Variants in SLC1A4 observed in about 807,000 individuals in gnomAD.
The protein encoded by SLC1A4 is solute carrier family 1 member 4, also known as neutral amino acid transporter A.
SLC1A4 carries 19 observed loss-of-function variants against 37.7 expected under a neutral mutation model. The ratio of observed to expected loss-of-function variants is 0.50; its 90% CI spans 0.35 to 0.74. SLC1A4 has a LOEUF of 0.74. Among genes scored for constraint, SLC1A4 ranks in the 30% least tolerant of loss-of-function variants. SLC1A4 has a pLI of 0.01. For synonymous variants in SLC1A4, 299 were observed against 309.8 expected (o/e 0.97, Z 0.37); for missense variants, 570 against 712.9 (o/e 0.80, Z 2.28).
chr2:65,015,463 A>G (rs1170682011), intron 4 of SLC1A4, among the ~76,000 whole-genome samples: 3 of 152,244 alleles, frequency 2.0e-5, no homozygotes, highest in Admixed American at 2.0e-4. Flanking sequence ...CTAATTGCAT[A>G]GGAGGTAGGA....
At chr2:65,017,960 G>A (rs1398468773) in intron 5 of SLC1A4, 111 bp from the exon 6 acceptor site, 3 of 862,492 alleles carry the variant, frequency 3.5e-6, no homozygotes, top group Non-Finnish European at 5.4e-6. Context: ...AGAGAAGAAA[G>A]CCAGAAACGA....
At chr2:65,007,275 TGTG>T (rs1396442578) in intron 3 of SLC1A4, among the ~76,000 whole-genome samples, 3 of 74,660 alleles carry the variant, frequency 4.0e-5, no homozygotes, top group Non-Finnish European at 1.5e-4. Context: ...TGTGTTTGTG[TGTG>T]TGTGTGTGTG....
chr2:65,016,578 G>A lies in SLC1A4; in HGVS notation c.939G>A (p.Leu313=). ...ATGTTATTCATGGAGGAATTGTTCT[G>A]CCACTTATTTATTTTGTTTTCACAC... ...LGHVIHGGIV[L]PLIYFVFTRK... Residue 313 remains leucine, a synonymous_variant, in exon 5 of 8, where the codon CTG becomes CTA. Transcript: ENST00000234256. 1 of 1,614,136 alleles carries A rather than the reference G, an allele frequency of 6.2e-7. No homozygotes were observed. The highest frequency in any genetic ancestry group is 8.5e-7 in the Non-Finnish European group (1 of 1,180,032).
Position 65,021,235 on chromosome 2 carries a change from C to CA in SLC1A4, c.*89_*90insA. ...TCATGGACACAGGGCACTGCCCTTG[C>CA]CAACTTTTACCCTCCCAAGCAATGC... On this transcript the variant is annotated 3_prime_UTR_variant, in exon 8 of 8. Coordinates refer to ENST00000234256, the MANE Select transcript of SLC1A4 (RefSeq NM_003038.5). 9.9e-7 allele frequency: 1 copy of CA among 1,008,792 alleles called. No individual in the cohort carries two copies. The highest frequency in any genetic ancestry group is 1.5e-6 in the Non-Finnish European group (1 of 671,922). The allele number at this position is 1,008,792 out of a possible 1,614,324, so 62.5% of individuals were successfully genotyped here.
rs572643835 is a variant in SLC1A4 at position 65,002,639 on chromosome 2, G to A, written c.570+1149G>A. 7.1e-5 allele frequency among the ~76,000 whole-genome samples: 10 copies of A among 140,270 alleles called. No homozygotes were observed. In the East Asian group the frequency reaches 2.1e-3, roughly 29 times the overall value. 92.0% of individuals were successfully genotyped at this position (140,270 alleles called of 152,430 possible). A position where few individuals can be genotyped will look rare whatever the true frequency, so the allele number is the denominator to read the frequency against. On this transcript the variant is annotated intron_variant, in intron 2 of 7. Transcript: ENST00000234256. ...GTTGCCCAGGCTGGAGTGCAGTGGC[G>A]CGATCTTGGCTCACTGCCAGCTCCG...
At chr2:65,012,925 T>A (rs991334237) in intron 4 of SLC1A4, among the ~76,000 whole-genome samples, 4 of 152,210 alleles carry the variant, frequency 2.6e-5, no homozygotes, top group African/African-American at 9.6e-5. Flanking sequence ...CTGATTGTAT[T>A]AGTCCGTTCT....
Position 65,018,796 on chromosome 2 carries a change from GA to G in SLC1A4, c.1364+118del, listed in dbSNP as rs1386748070. The G allele has an allele frequency of 3.2e-6, 4 of 1,254,456 alleles. No homozygotes were observed. In the East Asian group the frequency reaches 9.4e-5, roughly 29 times the overall value. The allele number at this position is 1,254,456 out of a possible 1,614,324, so 77.7% of individuals were successfully genotyped here. ...TCAGACACACTCCAGCCTTGTGAAG[GA>G]GGCTACAGTGGAGCTAAAAGGGCAA... On this transcript the variant is annotated intron_variant, in intron 7 of 7. Transcript: ENST00000234256. This position sits in a 1 kb window ranked among gnomAD's most constrained non-coding sequence, Gnocchi z 4.3.
In SLC1A4 at chr2:65,021,068, G is replaced by A. The variant is rs147582026; in HGVS notation, c.1521G>A (p.Ser507=). ...IPNCKSEEET[S]PLVTHQNPAG... ...ACTGCAAGTCTGAGGAGGAGACATCGCCCCTGGTGACACACCAGAACCCCG... is the reference window on the plus strand; with the variant it reads ...ACTGCAAGTCTGAGGAGGAGACATCACCCCTGGTGACACACCAGAACCCCG... Residue 507 remains serine, a synonymous_variant, in exon 8 of 8, where the codon TCG becomes TCA. Transcript: ENST00000234256. 6.3e-4 allele frequency: 1,018 copies of A among 1,614,208 alleles called. 4 individuals are homozygous for A. Among genetic ancestry groups the A allele is most frequent in the Non-Finnish European group, 4.5e-4 (530 of 1,180,028 alleles).
chr2:65,005,866 G>A lies in SLC1A4; in HGVS notation c.633+1851G>A, dbSNP rs144021785. 3.2e-3 allele frequency among the ~76,000 whole-genome samples: 481 copies of A among 152,092 alleles called. 1 individual carries two copies. The highest frequency in any genetic ancestry group is 0.011 in the African/African-American group (441 of 41,474). ...AATTAAATAAAAGTTAGCCAGGCAT[G>A]GTGGCACATGTCCATAGTCTCAGCT... On this transcript the variant is annotated intron_variant, in intron 3 of 7. Coordinates refer to ENST00000234256, the MANE Select transcript of SLC1A4 (RefSeq NM_003038.5).
intron 1 of SLC1A4, chr2:65,000,979 C>A (rs531969330): frequency 6.5e-6 from 1 of 153,024 alleles, no homozygotes; most frequent in African/African-American, 2.4e-5. Context: ...TGCAATGGTG[C>A]CTAACCTCTA....
chr2:64,995,479 G>C (rs929726715), intron 1 of SLC1A4, among the ~76,000 whole-genome samples: 1 of 152,168 alleles, frequency 6.6e-6, no homozygotes, highest in African/African-American at 2.4e-5. Flanking sequence ...CCACTCCAGG[G>C]GTTCAGCCTT....
At chr2:65,007,851 T>TAGCTATTTTGAAATGTAC (rs1351617012) in intron 3 of SLC1A4, among the ~76,000 whole-genome samples, 1 of 152,262 alleles carries the variant, frequency 6.6e-6, no homozygotes, top group Non-Finnish European at 1.5e-5. Flanking sequence ...ACAATTATTC[T>TAGCTATTTTGAAATGTAC]AGCTATTTTG....
upstream of SLC1A4, among the ~76,000 whole-genome samples, chr2:64,989,019 A>T (rs373125951): frequency 1.1e-4 from 17 of 149,790 alleles, no homozygotes; most frequent in East Asian, 1.2e-3. Context: ...GGCCCCGAGG[A>T]CTCAGATCCC....
chr2:65,018,338 AC>A lies in SLC1A4; in HGVS notation c.1229+75del. ...TGATTTCCTTTGAAAAACCAATCTC[AC>A]CACAACTTGGTGTCTCGCTCATAAA... On this transcript the variant is annotated intron_variant, in intron 6 of 7. Transcript: ENST00000234256. This position sits in a 1 kb window ranked among gnomAD's most constrained non-coding sequence, Gnocchi z 4.3. The A allele has an allele frequency of 6.6e-7, 1 of 1,504,054 alleles. No homozygotes were observed. The highest frequency in any genetic ancestry group is 1.2e-5 in the South Asian group (1 of 83,666). 93.2% of individuals were successfully genotyped at this position (1,504,054 alleles called of 1,614,324 possible).
At chr2:65,013,518 G>A (rs145706912) in intron 4 of SLC1A4, among the ~76,000 whole-genome samples, 101 of 152,308 alleles carry the variant, frequency 6.6e-4, no homozygotes, top group African/African-American at 2.3e-3. Context: ...CATAGCGCCC[G>A]GCCGGACATT....
intron 1 of SLC1A4, among the ~76,000 whole-genome samples, chr2:64,995,283 G>T (rs77240171): frequency 6.6e-6 from 1 of 152,156 alleles, no homozygotes; most frequent in African/African-American, 2.4e-5. Flanking sequence ...CTCTGTGCCT[G>T]AGTGTCCTTA....
chr2:65,003,035 T>A (rs1362944111), intron 2 of SLC1A4, among the ~76,000 whole-genome samples: 1 of 152,162 alleles, frequency 6.6e-6, no homozygotes, highest in Non-Finnish European at 1.5e-5. Context: ...AGGAGTGACT[T>A]GTATATATAA....
At chr2:65,012,345 TC>T (rs1354805583) in intron 4 of SLC1A4, among the ~76,000 whole-genome samples, 1 of 152,168 alleles carries the variant, frequency 6.6e-6, no homozygotes, top group Non-Finnish European at 1.5e-5. Flanking sequence ...CGCCTCAGCC[TC>T]CCAAAGTGCT....
intron 7 of SLC1A4, among the ~76,000 whole-genome samples, chr2:65,019,033 T>C (rs1012361041): frequency 4.6e-5 from 7 of 152,184 alleles, no homozygotes; most frequent in African/African-American, 1.4e-4. Context: ...GCAGTGATCC[T>C]TTGGGAATGA....
Sources: gnomAD v4.1 joint callset for allele counts (sites outside exome capture counted in the v4.1 genomes callset) on GRCh38, gnomAD v4.1.1 for gene constraint, Gnocchi (gnomAD v3.1) non-coding constraint, MANE v1.5 for transcripts, NCBI Gene and HGNC (gene_info 2026-07-23, HGNC 2026-07-21) for gene names.